Variants in KIF26B observed in about 807,000 individuals in gnomAD.
The protein encoded by KIF26B is kinesin-like protein KIF26B.
Under a neutral mutation model 151.2 loss-of-function variants are expected in KIF26B, and 63 were observed. The observed-to-expected ratio is 0.42, with a 90% CI of 0.34 to 0.51. KIF26B has a LOEUF of 0.51. Among genes scored for constraint, KIF26B ranks in the 20% least tolerant of loss-of-function variants. The pLI is 0.07. For synonymous variants in KIF26B, 1,357 were observed against 1,262.1 expected, an observed-to-expected ratio of 1.08 and a Z score of -1.59; for missense variants, 2,813 against 2,913.6, an observed-to-expected ratio of 0.97 and a Z score of 0.79.
chr1:245,493,092 T>TA (rs1660443142), intron 4 of KIF26B, among the ~76,000 whole-genome samples: 1 of 152,192 alleles, frequency 6.6e-6, no homozygotes, highest in African/African-American at 2.4e-5. Context: ...AAATAAGTCT[T>TA]AAACCAAATT....
At chr1:245,229,337 G>T (rs1261490283) in intron 2 of KIF26B, among the ~76,000 whole-genome samples, 1 of 152,098 alleles carries the variant, frequency 6.6e-6, no homozygotes, top group Non-Finnish European at 1.5e-5. Flanking sequence ...TATTTTTAGG[G>T]GGGTTGCAAA....
At chr1:245,242,266 G>T (rs563670924) in intron 2 of KIF26B, among the ~76,000 whole-genome samples, 1 of 152,098 alleles carries the variant, frequency 6.6e-6, no homozygotes, top group South Asian at 2.1e-4. Flanking sequence ...TTGAATGTCC[G>T]GCATTAGCGT....
In KIF26B at chr1:245,299,492, A is replaced by T. The variant is rs1445205617; in HGVS notation, c.466-67342A>T. Among the ~76,000 whole-genome samples the T allele has an allele frequency of 5.3e-5, 8 of 152,162 alleles. 1 individual carries two copies. On this transcript the variant is annotated intron_variant, in intron 2 of 14. Coordinates refer to ENST00000407071, the MANE Select transcript of KIF26B (RefSeq NM_018012.4). ...TAATTTTATATCTAATGTAAGAAAAACATTATTAGGAAGATTGTAATGAAA... is the reference window on the plus strand; with the variant it reads ...TAATTTTATATCTAATGTAAGAAAATCATTATTAGGAAGATTGTAATGAAA...
chr1:245,180,659 G>A (rs1209413515), intron 2 of KIF26B, among the ~76,000 whole-genome samples: 1 of 151,834 alleles, frequency 6.6e-6, no homozygotes, highest in East Asian at 1.9e-4. Context: ...GTGGTCCGGA[G>A]TACTGTGTTA....
intron 2 of KIF26B, among the ~76,000 whole-genome samples, chr1:245,300,725 C>T (rs934128146): frequency 6.6e-6 from 1 of 150,788 alleles, no homozygotes; most frequent in African/African-American, 2.4e-5. Context: ...GACGGGGTTT[C>T]GCCATATTGA....
intron 2 of KIF26B, among the ~76,000 whole-genome samples, chr1:245,326,733 A>G (rs1671998061): frequency 6.6e-6 from 1 of 152,222 alleles, no homozygotes; most frequent in African/African-American, 2.4e-5. Context: ...TGGTTTCCGC[A>G]GACTTAGCAG....
At chr1:245,565,606 C>T (rs893152530) in intron 5 of KIF26B, among the ~76,000 whole-genome samples, 8 of 152,000 alleles carry the variant, frequency 5.3e-5, no homozygotes, top group African/African-American at 1.4e-4. Flanking sequence ...GCGTTCTTGC[C>T]GGTCATTTGT....
intron 4 of KIF26B, among the ~76,000 whole-genome samples, chr1:245,462,064 A>G (rs1327164079): frequency 3.3e-5 from 5 of 152,142 alleles, no homozygotes; most frequent in African/African-American, 4.8e-5. Context: ...TGAGGTTACA[A>G]GTGAGCTATG....
chr1:245,308,138 G>A (rs1671593963), intron 2 of KIF26B, among the ~76,000 whole-genome samples: 1 of 152,186 alleles, frequency 6.6e-6, no homozygotes, highest in Non-Finnish European at 1.5e-5. Flanking sequence ...CCCAGAGAGA[G>A]TTTAAACCGG....
intron 3 of KIF26B, among the ~76,000 whole-genome samples, chr1:245,385,167 C>A (rs1673512549): frequency 6.6e-6 from 1 of 152,154 alleles, no homozygotes; most frequent in African/African-American, 2.4e-5. Flanking sequence ...ACTTACACAA[C>A]AGGTTTGGCA....
intron 3 of KIF26B, among the ~76,000 whole-genome samples, chr1:245,378,840 G>A (rs6697885): frequency 0.055 from 8,299 of 152,124 alleles, 755 homozygotes; most frequent in African/African-American, 0.19. Context: ...GACCTCAAGC[G>A]GGCTTCTTAA....
intron 5 of KIF26B, among the ~76,000 whole-genome samples, chr1:245,569,998 T>C (rs1253704957): frequency 7.4e-6 from 1 of 134,564 alleles, no homozygotes; most frequent in Non-Finnish European, 1.5e-5. Flanking sequence ...TGCAGTGGCA[T>C]GATCTCAGCT....
intron 4 of KIF26B, among the ~76,000 whole-genome samples, chr1:245,462,099 G>A (rs1332612744): frequency 6.6e-6 from 1 of 152,030 alleles, no homozygotes; most frequent in African/African-American, 2.4e-5. Flanking sequence ...CTCCAGCCTT[G>A]GCAATGGAGA....
chr1:245,540,956 A>G lies in KIF26B; in HGVS notation c.1350+6A>G, dbSNP rs1442349664. Reference sequence around the variant, plus strand: ...ACACCCCGGGGCTGGGCAAGGTAGGACCATCCGCCGTCCCTGCCATTTGCC... The same window carrying G: ...ACACCCCGGGGCTGGGCAAGGTAGGGCCATCCGCCGTCCCTGCCATTTGCC... On this transcript the variant is annotated splice_donor_region_variant and intron_variant, in intron 5 of 14. Coordinates refer to ENST00000407071, the MANE Select transcript of KIF26B (RefSeq NM_018012.4). The surrounding 1 kb of genome is among the most constrained non-coding windows in gnomAD (Gnocchi z 4.6). 13 of 1,602,318 alleles carry G rather than the reference A, an allele frequency of 8.1e-6. No individual in the cohort carries two copies. The highest frequency in any genetic ancestry group is 1.1e-5 in the Non-Finnish European group (13 of 1,171,894).
At chr1:245,675,649 A>G (rs990079404) in intron 10 of KIF26B, among the ~76,000 whole-genome samples, 2 of 152,168 alleles carry the variant, frequency 1.3e-5, no homozygotes, top group African/African-American at 4.8e-5. Flanking sequence ...AATGGAAGGA[A>G]CATGGAATGT....
intron 4 of KIF26B, among the ~76,000 whole-genome samples, chr1:245,525,198 A>C (rs1369556396): frequency 6.6e-6 from 1 of 152,190 alleles, no homozygotes; most frequent in African/African-American, 2.4e-5. Context: ...TTATATCCAA[A>C]TACTCTAAAT....
rs1458586341 is a variant in KIF26B at position 245,227,398 on chromosome 1, C to T, written c.465+70715C>T. 2.0e-5 allele frequency among the ~76,000 whole-genome samples: 3 copies of T among 152,222 alleles called. No homozygotes were observed. Among genetic ancestry groups the T allele is most frequent in the African/African-American group, 2.4e-5 (1 of 41,452 alleles). On this transcript the variant is annotated intron_variant, in intron 2 of 14. Coordinates refer to ENST00000407071, the MANE Select transcript of KIF26B (RefSeq NM_018012.4). This position sits in a 1 kb window ranked among gnomAD's most constrained non-coding sequence, Gnocchi z 4.1. ...CCAGTGTAACATGGAAACCCACTGG[C>T]ACCTCTGCATCTGGGCCTAAGGCTG...
At chr1:245,177,727 G>A (rs935603292) in intron 2 of KIF26B, among the ~76,000 whole-genome samples, 2 of 151,852 alleles carry the variant, frequency 1.3e-5, no homozygotes, top group African/African-American at 4.8e-5. Context: ...GACGGATAAT[G>A]GTGATGGCAG....
intron 11 of KIF26B, 38 bp from the exon 12 acceptor site, chr1:245,685,367 C>A: frequency 3.9e-6 from 6 of 1,524,588 alleles, no homozygotes; most frequent in Non-Finnish European, 5.4e-6. Flanking sequence ...GAAACTGCCA[C>A]GGAAAGGCCA....
Sources: allele counts gnomAD v4.1 joint callset (sites outside exome capture counted in the v4.1 genomes callset), GRCh38; gene constraint gnomAD v4.1.1; non-coding constraint Gnocchi (gnomAD v3.1); transcripts MANE v1.5; gene names NCBI Gene and HGNC (gene_info 2026-07-23, HGNC 2026-07-21).